The following WDR33 variants were observed in gnomAD, a reference collection of about 807,000 sequenced individuals.
WDR33 encodes the protein WD repeat domain 33.
In WDR33, 47 loss-of-function variants were observed where a neutral mutation model predicts 164.9. The ratio of observed to expected loss-of-function variants is 0.29; its 90% CI spans 0.23 to 0.36. The LOEUF (loss-of-function observed/expected upper bound fraction) is 0.36, where lower values mean the gene tolerates loss of function less well. WDR33 is among the 10% of genes least tolerant of loss of function. The pLI is 1.00. For synonymous variants in WDR33, 505 were observed against 589.0 expected (o/e 0.86, Z 2.06); for missense variants, 1,137 against 1,754.1 (o/e 0.65, Z 6.28).
chr2:127,725,045 T>A lies in WDR33; in HGVS notation c.1006+16A>T, dbSNP rs777832795. 7.4e-6 allele frequency: 12 copies of A among 1,614,012 alleles called. No individual in the cohort carries two copies. The highest frequency in any genetic ancestry group is 9.3e-6 in the Non-Finnish European group (11 of 1,179,886). ...AGGTAACAGTGGTCAATGAGAAGCA[T>A]ATCACAGCCACTGACCTGTGGCTTC... is the stretch of plus-strand genomic sequence containing the variant. On this transcript the variant is annotated intron_variant, in intron 9 of 21. Coordinates refer to ENST00000322313, the MANE Select transcript of WDR33 (RefSeq NM_018383.5).
chr2:127,717,166 C>T lies in WDR33; in HGVS notation c.2858G>A (p.Gly953Asp). 1 of 1,604,322 alleles carries T rather than the reference C, an allele frequency of 6.2e-7. No individual in the cohort carries two copies. The highest frequency in any genetic ancestry group is 8.5e-7 in the Non-Finnish European group (1 of 1,174,778). Residue 953 changes from glycine to aspartate, a missense_variant, in exon 17 of 22, where the codon GGC (glycine) becomes GAC (aspartate). By Grantham distance (94) the Gly-to-Asp change is moderately conservative. Coordinates refer to ENST00000322313, the MANE Select transcript of WDR33 (RefSeq NM_018383.5). This position sits in a 1 kb window ranked among gnomAD's most constrained non-coding sequence, Gnocchi z 5.6. ...GAGCAGATATTTACCTTTGTTGGGG[C>T]CAGGTCCTTGTCCGGGGTTCAGAGG... The part of the protein sequence containing the change: ...IPPLNPGQGP[G>D]PNKGDSRGPP...
rs1686216824 is a variant in WDR33 at position 127,712,956 on chromosome 2, T to G, written c.3308+627A>C. The stretch of plus-strand genomic sequence containing the variant: ...TTTTTTTGTAGAGATGGAGTTACAC[T>G]ATGTCGTTCAGGCTGTTCTTCAATT... On this transcript the variant is annotated intron_variant, in intron 18 of 21. Coordinates refer to ENST00000322313, the MANE Select transcript of WDR33 (RefSeq NM_018383.5). The surrounding 1 kb of genome is among the most constrained non-coding windows in gnomAD (Gnocchi z 4.0). Among the ~76,000 whole-genome samples, 1 of 152,134 alleles carries G rather than the reference T, an allele frequency of 6.6e-6. No homozygotes were observed. Among genetic ancestry groups the G allele is most frequent in the Non-Finnish European group, 1.5e-5 (1 of 68,022 alleles).
At position 127,709,836 on chromosome 2, in the gene WDR33, G is replaced by T; in HGVS notation, c.3329C>A (p.Pro1110Gln). 1 of 1,614,124 alleles carries T rather than the reference G, an allele frequency of 6.2e-7. No homozygotes were observed. Among genetic ancestry groups the T allele is most frequent in the Non-Finnish European group, 8.5e-7 (1 of 1,180,024 alleles). Residue 1110 changes from proline (P) to glutamine (Q), a missense_variant, in exon 19 of 22, where the codon CCG becomes CAG. This residue lies in a region of WDR33 where 867 missense variants were observed against 1,073.0 expected (regional missense o/e 0.81). Transcript: ENST00000322313. This position sits in a 1 kb window ranked among gnomAD's most constrained non-coding sequence, Gnocchi z 5.0. Reference protein sequence around the residue: ...REESFRRGAPPRHEGRAPPRG... With the variant: ...REESFRRGAPQRHEGRAPPRG... Reference sequence around the variant, plus strand: ...GGGGGGAGCACGGCCCTCATGCCTCGGCGGGGCTCCTCTTCTGAAACTGTA... The same window carrying T: ...GGGGGGAGCACGGCCCTCATGCCTCTGCGGGGCTCCTCTTCTGAAACTGTA...
rs1473128269 is a variant in WDR33, at chr2:127,702,334, G to A, written c.*3989C>T. 2 of 707,560 alleles carry A rather than the reference G, an allele frequency of 2.8e-6. No individual in the cohort carries two copies. Among genetic ancestry groups the A allele is most frequent in the Non-Finnish European group, 1.9e-6 (1 of 519,888 alleles). The allele number at this position is 707,560 out of a possible 1,614,324, so 43.8% of individuals were successfully genotyped here. A position where few individuals can be genotyped will look rare whatever the true frequency, so the allele number is the denominator to read the frequency against. ...TAATCCGGGAGCGGCTGCTGCCAGC[G>A]GAGGCGACAGCAGCGTTGGGAGCTC... On this transcript the variant is annotated 3_prime_UTR_variant, in exon 22 of 22. Transcript: ENST00000322313.
At chr2:127,807,483 G>A (rs969858572) in intron 1 of WDR33, among the ~76,000 whole-genome samples, 1 of 152,138 alleles carries the variant, frequency 6.6e-6, no homozygotes, top group African/African-American at 2.4e-5. Context: ...TGCTCAAAAT[G>A]GTAAGGCATA....
intron 7 of WDR33, chr2:127,737,235 T>C: frequency 3.0e-6 from 3 of 985,446 alleles, no homozygotes; most frequent in Non-Finnish European, 3.6e-6. Context: ...AATTCTTTGA[T>C]ATTAACACCA....
At chr2:127,748,503 C>A (rs1480079851) in intron 7 of WDR33, among the ~76,000 whole-genome samples, 2 of 152,074 alleles carry the variant, frequency 1.3e-5, no homozygotes, top group Non-Finnish European at 2.9e-5. Context: ...AATGTCAAGA[C>A]CATGGTAAAA....
chr2:127,780,112 T>C (rs1688320517), intron 1 of WDR33, among the ~76,000 whole-genome samples: 1 of 152,058 alleles, frequency 6.6e-6, no homozygotes, highest in Non-Finnish European at 1.5e-5. Context: ...TAGCTGGGAA[T>C]ACAGGCCCCC....
intron 1 of WDR33, among the ~76,000 whole-genome samples, chr2:127,797,708 A>G (rs192781233): frequency 7.9e-4 from 120 of 152,034 alleles, no homozygotes; most frequent in African/African-American, 2.7e-3. Context: ...TAATTTCATA[A>G]TTTCAAGATC....
intron 5 of WDR33, 49 bp from the exon 6 acceptor site, chr2:127,765,028 T>C (rs780381889): frequency 1.4e-5 from 22 of 1,599,884 alleles, no homozygotes; most frequent in Non-Finnish European, 1.7e-5. Flanking sequence ...TCAAAGAATA[T>C]ATGACTAAAG....
chr2:127,771,992 CTT>C (rs1467118817), intron 1 of WDR33, among the ~76,000 whole-genome samples: 3 of 152,126 alleles, frequency 2.0e-5, no homozygotes, highest in Non-Finnish European at 4.4e-5. Context: ...GAATTGTTCA[CTT>C]TTTCTTTTTT....
At chr2:127,780,474 T>G (rs1013487947) in intron 1 of WDR33, among the ~76,000 whole-genome samples, 1 of 152,214 alleles carries the variant, frequency 6.6e-6, no homozygotes, top group Non-Finnish European at 1.5e-5. Context: ...TTTCTCTTCA[T>G]TGTCCAACTT....
chr2:127,726,413 C>CCGT lies in WDR33; in HGVS notation c.851+235_851+237dup, dbSNP rs1686574240. Among the ~76,000 whole-genome samples, 1 of 152,138 alleles carries CCGT rather than the reference C, an allele frequency of 6.6e-6. No individual in the cohort carries two copies. Among genetic ancestry groups the CCGT allele is most frequent in the African/African-American group, 2.4e-5 (1 of 41,430 alleles). ...CCTCCCTCCTCATCCTCCTCCCCAC[C>CCGT]CGTATATAACAACCAAATTAAACTT... On this transcript the variant is annotated intron_variant, in intron 8 of 21. Transcript: ENST00000322313. The surrounding 1 kb of genome is among the most constrained non-coding windows in gnomAD (Gnocchi z 4.8).
rs1416515266 is a variant in WDR33 at position 127,738,821 on chromosome 2, G to A, written c.725-12044C>T. Among the ~76,000 whole-genome samples the A allele has an allele frequency of 2.0e-5, 3 of 152,164 alleles. No homozygotes were observed. Among genetic ancestry groups the A allele is most frequent in the East Asian group, 1.9e-4 (1 of 5,200 alleles). ...ACTGCCTATGGGTTAGTCCTGCCCC[G>A]CAAGCAGTCACTCTGTAAATAATTT... On this transcript the variant is annotated intron_variant, in intron 7 of 21. Transcript: ENST00000322313. The surrounding 1 kb of genome is among the most constrained non-coding windows in gnomAD (Gnocchi z 4.4).
In WDR33 at chr2:127,717,198, G is replaced by A; in HGVS notation, c.2826C>T (p.Arg942=). 1 of 1,610,024 alleles carries A rather than the reference G, an allele frequency of 6.2e-7. No individual in the cohort carries two copies. Among genetic ancestry groups the A allele is most frequent in the South Asian group, 1.1e-5 (1 of 89,866 alleles). ...PGLGQQGAQG[R]IPPLNPGQGP... is the part of the protein sequence containing the mutation. Reference sequence around the variant, plus strand: ...CTTGTCCGGGGTTCAGAGGGGGAATGCGACCTTGTGCTCCCTGCTGCCCTA... The same window carrying A: ...CTTGTCCGGGGTTCAGAGGGGGAATACGACCTTGTGCTCCCTGCTGCCCTA... The change falls in exon 17 of 22, where the codon CGC becomes CGT. Residue 942 remains arginine (R), a synonymous_variant. Transcript: ENST00000322313. This position sits in a 1 kb window ranked among gnomAD's most constrained non-coding sequence, Gnocchi z 5.6.
rs1227123099 is a variant in WDR33, at chr2:127,710,525, G to A, written c.3309-669C>T. ...CTGATGGGCACACAGGTCAGCATCT[G>A]GTTTACAGGCAGCGATCCACTGGCT... On this transcript the variant is annotated intron_variant, in intron 18 of 21. Transcript: ENST00000322313. The surrounding 1 kb of genome is among the most constrained non-coding windows in gnomAD (Gnocchi z 4.4). 6.6e-6 allele frequency among the ~76,000 whole-genome samples: 1 copy of A among 152,168 alleles called. No individual in the cohort carries two copies. The highest frequency in any genetic ancestry group is 2.4e-5 in the African/African-American group (1 of 41,432).
At chr2:127,806,806 G>A (rs1245457978) in intron 1 of WDR33, among the ~76,000 whole-genome samples, 3 of 152,182 alleles carry the variant, frequency 2.0e-5, no homozygotes, top group Non-Finnish European at 4.4e-5. Context: ...GTAGAAAAGC[G>A]TAGGAAAAAG....
chr2:127,721,936 T>C lies in WDR33; in HGVS notation c.1571A>G (p.Asp524Gly). The C allele has an allele frequency of 6.2e-7, 1 of 1,613,894 alleles. No homozygotes were observed. The highest frequency in any genetic ancestry group is 8.5e-7 in the Non-Finnish European group (1 of 1,179,958). Reference sequence around the variant, plus strand: ...TTCCAATTTAATGTCTTCTTTTCTGTCATTCAGCACCTCATTTGGAGCAGG... The same window carrying C: ...TTCCAATTTAATGTCTTCTTTTCTGCCATTCAGCACCTCATTTGGAGCAGG... The part of the protein sequence containing the change: ...PIPAPNEVLN[D>G]RKEDIKLEEK... Residue 524 changes from aspartate to glycine, a missense_variant, in exon 15 of 22, where the codon GAC (aspartate) becomes GGC (glycine). Physicochemically the swap from Asp to Gly is moderately conservative, Grantham distance 94 (BLOSUM62 -1). Transcript: ENST00000322313. The surrounding 1 kb of genome is among the most constrained non-coding windows in gnomAD (Gnocchi z 4.9).
At chr2:127,769,567 T>C (rs924264992) in intron 2 of WDR33, among the ~76,000 whole-genome samples, 2 of 151,992 alleles carry the variant, frequency 1.3e-5, no homozygotes, top group African/African-American at 2.4e-5. Flanking sequence ...GCAGAGAGGG[T>C]AGAAAGACAT....
Sources: allele counts gnomAD v4.1 joint callset (sites outside exome capture counted in the v4.1 genomes callset), GRCh38; gene constraint gnomAD v4.1.1; regional missense constraint gnomAD v4.1.1; non-coding constraint Gnocchi (gnomAD v3.1); transcripts MANE v1.5; gene names NCBI Gene and HGNC (gene_info 2026-07-23, HGNC 2026-07-21).